The following DLGAP1 variants were observed in gnomAD, a reference collection of about 807,000 sequenced individuals.
DLGAP1 encodes DLG associated protein 1.
In DLGAP1, 11 loss-of-function variants were observed where a neutral mutation model predicts 90.8. That is an observed-to-expected ratio of 0.12 (90% CI 0.08 to 0.20). The LOEUF is 0.20. DLGAP1 is among the 10% of genes least tolerant of loss of function. The pLI is 1.00. For missense variants in DLGAP1, 1,050 were observed against 1,333.8 expected (o/e 0.79, Z 3.31); for synonymous variants, 558 against 540.7 (o/e 1.03, Z -0.44).
chr18:3,770,301 G>A (rs2064468161), intron 5 of DLGAP1, among the ~76,000 whole-genome samples: 1 of 152,110 alleles, frequency 6.6e-6, no homozygotes, highest in Admixed American at 6.5e-5. Context: ...GAGAAGGGAG[G>A]TGGTGGAATT....
At chr18:4,436,356 A>T (rs2083398248) in intron 1 of DLGAP1, among the ~76,000 whole-genome samples, 1 of 152,126 alleles carries the variant, frequency 6.6e-6, no homozygotes, top group South Asian at 2.1e-4. Context: ...AATCACCTGA[A>T]GGCTTGTTAA....
rs1466747696 is a variant in DLGAP1, at chr18:4,084,744, C to A, written c.-159+66436G>T. ...TACTTATTTCTTTGGGCTTTCATTT[C>A]CTGATAAAGACTCCCATGTCATGCA... On this transcript the variant is annotated intron_variant, in intron 2 of 12. Transcript: ENST00000315677. This position sits in a 1 kb window ranked among gnomAD's most constrained non-coding sequence, Gnocchi z 4.0. 6.6e-6 allele frequency among the ~76,000 whole-genome samples: 1 copy of A among 152,174 alleles called. No homozygotes were observed. Among genetic ancestry groups the A allele is most frequent in the East Asian group, 1.9e-4 (1 of 5,194 alleles).
At chr18:4,278,681 T>C (rs556202676) in intron 1 of DLGAP1, among the ~76,000 whole-genome samples, 1 of 152,164 alleles carries the variant, frequency 6.6e-6, no homozygotes, top group East Asian at 1.9e-4. Context: ...TGTGTGGGTG[T>C]GTATATAACA....
intron 3 of DLGAP1, among the ~76,000 whole-genome samples, chr18:3,957,270 G>A (rs1263772479): frequency 1.3e-5 from 2 of 152,176 alleles, no homozygotes; most frequent in Non-Finnish European, 2.9e-5. Context: ...AGGAATGCTG[G>A]TGGCCCCTGG....
chr18:4,299,829 A>G (rs937444984), intron 1 of DLGAP1, among the ~76,000 whole-genome samples: 6 of 152,144 alleles, frequency 3.9e-5, no homozygotes, highest in African/African-American at 1.4e-4. Flanking sequence ...ATGATGTATA[A>G]AAGTGATGTT....
chr18:3,912,273 T>C (rs964340080), intron 3 of DLGAP1, among the ~76,000 whole-genome samples: 11 of 152,210 alleles, frequency 7.2e-5, no homozygotes, highest in Non-Finnish European at 1.6e-4. Context: ...TCAATTCACA[T>C]CAATAACTGT....
At chr18:3,672,901 C>G (rs1297492012) in intron 7 of DLGAP1, among the ~76,000 whole-genome samples, 1 of 152,170 alleles carries the variant, frequency 6.6e-6, no homozygotes, top group Non-Finnish European at 1.5e-5. Flanking sequence ...CTCTCCATCC[C>G]CAGTGCCATG....
At chr18:3,571,908 T>A (rs2054814101) in intron 8 of DLGAP1, among the ~76,000 whole-genome samples, 1 of 152,156 alleles carries the variant, frequency 6.6e-6, no homozygotes, top group African/African-American at 2.4e-5. Context: ...GAAGCTCAAT[T>A]GTGTTGTTTT....
intron 1 of DLGAP1, among the ~76,000 whole-genome samples, chr18:4,302,306 G>T (rs1252132332): frequency 2.0e-5 from 3 of 152,052 alleles, no homozygotes; most frequent in Admixed American, 6.6e-5. Context: ...AATCCATTTC[G>T]AGTTGATTTT....
chr18:3,711,552 A>G lies in DLGAP1; in HGVS notation c.1591+17583T>C, dbSNP rs1307843774. Among the ~76,000 whole-genome samples the G allele has an allele frequency of 6.6e-6, 1 of 152,170 alleles. No individual in the cohort carries two copies. Among genetic ancestry groups the G allele is most frequent in the African/African-American group, 2.4e-5 (1 of 41,452 alleles). ...TGACTGTGGTGAGGAATAAGACAGA[A>G]ATCCAGCCGGGTGTGGTGGCTCATG... On this transcript the variant is annotated intron_variant, in intron 7 of 12. Transcript: ENST00000315677. The surrounding 1 kb of genome is among the most constrained non-coding windows in gnomAD (Gnocchi z 4.0).
chr18:4,432,013 A>T (rs181987102), intron 1 of DLGAP1, among the ~76,000 whole-genome samples: 1 of 152,366 alleles, frequency 6.6e-6, no homozygotes, highest in African/African-American at 2.4e-5. Context: ...CTGATTGTAT[A>T]GATACAACTT....
intron 1 of DLGAP1, among the ~76,000 whole-genome samples, chr18:4,309,221 T>A (rs551121457): frequency 1.5e-4 from 23 of 152,256 alleles, no homozygotes; most frequent in African/African-American, 5.3e-4. Flanking sequence ...TGCTTTGGGG[T>A]TCAAGGATAA....
chr18:4,349,698 C>T (rs187597372), intron 1 of DLGAP1, among the ~76,000 whole-genome samples: 1 of 151,820 alleles, frequency 6.6e-6, no homozygotes, highest in East Asian at 1.9e-4. Flanking sequence ...TGTGTCATTC[C>T]ATTTATACGA....
At chr18:3,764,591 T>C (rs2064129402) in intron 5 of DLGAP1, among the ~76,000 whole-genome samples, 1 of 152,210 alleles carries the variant, frequency 6.6e-6, no homozygotes, top group Non-Finnish European at 1.5e-5. Context: ...ATCTATGCTG[T>C]TTTCCCATTT....
chr18:4,275,008 ACTT>A (rs1313741868), intron 1 of DLGAP1, among the ~76,000 whole-genome samples: 1 of 152,344 alleles, frequency 6.6e-6, no homozygotes, highest in African/African-American at 2.4e-5. Flanking sequence ...AATGGGACTG[ACTT>A]CTAATTTGGG....
chr18:3,673,828 G>C (rs2060188533), intron 7 of DLGAP1, among the ~76,000 whole-genome samples: 1 of 149,428 alleles, frequency 6.7e-6, no homozygotes, highest in African/African-American at 2.5e-5. Context: ...TTACAGGAGT[G>C]AGCCACTGTA....
chr18:3,694,712 C>T (rs1195511220), intron 7 of DLGAP1, among the ~76,000 whole-genome samples: 1 of 152,146 alleles, frequency 6.6e-6, no homozygotes, highest in Non-Finnish European at 1.5e-5. Flanking sequence ...ACATCCTTTG[C>T]CCACTTTTTG....
Position 3,874,796 on chromosome 18 carries a change from A to T in DLGAP1, c.957+4316T>A, listed in dbSNP as rs1375492757. The T allele has an allele frequency of 5.1e-6, 7 of 1,382,150 alleles. No individual in the cohort carries two copies. The Admixed American group carries it at 9.1e-5, about 18-fold the overall frequency. The allele number at this position is 1,382,150 out of a possible 1,614,324, so 85.6% of individuals were successfully genotyped here. ...CATCTGATTCTTGACATTTAAAAAT[A>T]ACAATATTGGAAAAAAAAGGAGTCC... On this transcript the variant is annotated intron_variant, in intron 4 of 12. Coordinates refer to ENST00000315677, the MANE Select transcript of DLGAP1 (RefSeq NM_004746.4).
intron 3 of DLGAP1, among the ~76,000 whole-genome samples, chr18:3,938,009 T>C (rs1164193739): frequency 2.6e-5 from 4 of 152,226 alleles, no homozygotes; most frequent in Admixed American, 6.5e-5. Flanking sequence ...TTAGTTATTA[T>C]GAAATGTGGT....
Sources: gnomAD v4.1 joint callset for allele counts (sites outside exome capture counted in the v4.1 genomes callset) on GRCh38, gnomAD v4.1.1 for gene constraint, Gnocchi (gnomAD v3.1) non-coding constraint, MANE v1.5 for transcripts, NCBI Gene and HGNC (gene_info 2026-07-23, HGNC 2026-07-21) for gene names.